PIWIL4: variants seen among roughly 807,000 people sequenced by gnomAD.
PIWIL4 encodes the protein piwi like RNA-mediated gene silencing 4, also known as piwi-like protein 4.
PIWIL4 carries 50 observed loss-of-function variants against 100.9 expected under a neutral mutation model. That is an observed-to-expected ratio of 0.50 (90% CI 0.39 to 0.63). PIWIL4 has a LOEUF of 0.63. Ranked by LOEUF, PIWIL4 falls within the 20% of genes least tolerant of loss-of-function variation. PIWIL4 has a pLI of 0.00. For missense variants in PIWIL4, 887 were observed against 1,043.3 expected, an observed-to-expected ratio of 0.85 and a Z score of 2.06; for synonymous variants, 342 against 367.5, an observed-to-expected ratio of 0.93 and a Z score of 0.79.
intron 5 of PIWIL4, 58 bp from the exon 6 acceptor site, chr11:94,585,387 T>C: frequency 8.0e-7 from 1 of 1,246,240 alleles, no homozygotes. Flanking sequence ...GGTTTGAACT[T>C]AGAATTACAC....
intron 8 of PIWIL4, among the ~76,000 whole-genome samples, chr11:94,589,912 G>A (rs554651561): frequency 3.3e-5 from 5 of 152,052 alleles, no homozygotes; most frequent in Non-Finnish European, 5.9e-5. Flanking sequence ...AGTGCTTTGC[G>A]CATATTAGAT....
At chr11:94,572,913 A>C (rs900621855) in intron 2 of PIWIL4, among the ~76,000 whole-genome samples, 2 of 152,148 alleles carry the variant, frequency 1.3e-5, no homozygotes, top group African/African-American at 4.8e-5. Flanking sequence ...GATTCTTCCT[A>C]TCCATGAGCG....
At chr11:94,583,610 A>G (rs1948357105) in intron 5 of PIWIL4, 41 bp downstream of exon 5, 2 of 1,610,346 alleles carry the variant, frequency 1.2e-6, no homozygotes, top group African/African-American at 2.7e-5. Flanking sequence ...GGCTAATGAT[A>G]CCTTTCAGCA....
intron 11 of PIWIL4, among the ~76,000 whole-genome samples, chr11:94,599,661 A>G (rs1321683205): frequency 6.6e-6 from 1 of 152,184 alleles, no homozygotes; most frequent in South Asian, 2.1e-4. Flanking sequence ...CAGCCCAGCC[A>G]GTGGAAGGCA....
intron 10 of PIWIL4, among the ~76,000 whole-genome samples, chr11:94,597,373 G>A (rs10831249): frequency 0.046 from 6,976 of 152,210 alleles, 309 homozygotes; most frequent in East Asian, 0.13. Context: ...CATAGGTTTT[G>A]AGCACATGCC....
At chr11:94,616,594 C>G in intron 16 of PIWIL4, 31 bp downstream of exon 16, 2 of 1,541,066 alleles carry the variant, frequency 1.3e-6, no homozygotes, top group Non-Finnish European at 1.8e-6. Context: ...TGGGTGGGCT[C>G]CAAGGACTGT....
At chr11:94,601,571 G>C (rs1948642497) in intron 11 of PIWIL4, among the ~76,000 whole-genome samples, 2 of 152,184 alleles carry the variant, frequency 1.3e-5, no homozygotes, top group South Asian at 4.1e-4. Flanking sequence ...GGACCTCCAA[G>C]GGCCACCAGT....
chr11:94,571,265 T>G (rs1368646543), intron 2 of PIWIL4, among the ~76,000 whole-genome samples: 1 of 152,192 alleles, frequency 6.6e-6, no homozygotes, highest in East Asian at 1.9e-4. Context: ...TTAGGTTTTT[T>G]TATTTAAAAA....
chr11:94,601,169 A>C (rs1052043627), intron 11 of PIWIL4, among the ~76,000 whole-genome samples: 9 of 151,920 alleles, frequency 5.9e-5, no homozygotes, highest in African/African-American at 1.7e-4. Context: ...TGTCCATGAA[A>C]TCTTCACAAT....
rs190848285 is a variant in PIWIL4, at chr11:94,582,096, G to A, written c.514-1352G>A. On this transcript the variant is annotated intron_variant, in intron 4 of 19. Coordinates refer to ENST00000299001, the MANE Select transcript of PIWIL4 (RefSeq NM_152431.3). ...AGGAGATGTAGGAAGTGAAACAGGA[G>A]TGGGTGTTTGGTGGGAGAGGTACAA... Among the ~76,000 whole-genome samples, 5 of 152,310 alleles carry A rather than the reference G, an allele frequency of 3.3e-5. No homozygotes were observed. In the East Asian group the frequency reaches 7.7e-4, roughly 24 times the overall value.
chr11:94,600,554 G>A (rs556489), intron 11 of PIWIL4, among the ~76,000 whole-genome samples: 80,550 of 151,974 alleles, frequency 0.53, 23,448 homozygotes, highest in African/African-American at 0.79. Context: ...GAGGCAGGGC[G>A]GGATCACAGG....
At chr11:94,615,626 C>CA (rs943284521) in intron 15 of PIWIL4, among the ~76,000 whole-genome samples, 13 of 151,760 alleles carry the variant, frequency 8.6e-5, no homozygotes, top group East Asian at 1.9e-4. Flanking sequence ...TTGTTTTTTA[C>CA]AAAAAAACAA....
At chr11:94,608,081 T>C (rs906406082) in intron 14 of PIWIL4, 1 of 179,908 alleles carries the variant, frequency 5.6e-6, no homozygotes, top group Admixed American at 5.4e-5. Flanking sequence ...TGGGAGTAAG[T>C]GAGGAGAATG....
At chr11:94,612,314 GGTTT>G (rs1015754811) in intron 15 of PIWIL4, among the ~76,000 whole-genome samples, 1 of 90,108 alleles carries the variant, frequency 1.1e-5, no homozygotes, top group African/African-American at 6.3e-5. Flanking sequence ...ATTTTTGTGA[GGTTT>G]TTTTTTTTTT....
chr11:94,567,790 G>A, intron 1 of PIWIL4, 185 bp downstream of exon 1: 1 of 1,233,246 alleles, frequency 8.1e-7, no homozygotes, highest in Non-Finnish European at 1.0e-6. Flanking sequence ...TCTTGTCTGA[G>A]TAAGATATTA....
chr11:94,579,318 C>T (rs1316690167), intron 4 of PIWIL4, among the ~76,000 whole-genome samples: 1 of 151,978 alleles, frequency 6.6e-6, no homozygotes, highest in Non-Finnish European at 1.5e-5. Context: ...TTCCTTTATC[C>T]ACCTTTTTAC....
At chr11:94,600,979 A>G (rs1460623004) in intron 11 of PIWIL4, among the ~76,000 whole-genome samples, 1 of 151,708 alleles carries the variant, frequency 6.6e-6, no homozygotes, top group Non-Finnish European at 1.5e-5. Flanking sequence ...TCTTTTTTCA[A>G]GGTGCCCAGA....
intron 6 of PIWIL4, among the ~76,000 whole-genome samples, chr11:94,586,138 T>G (rs969353403): frequency 2.0e-5 from 3 of 151,650 alleles, no homozygotes; most frequent in Non-Finnish European, 4.4e-5. Flanking sequence ...GGCCTTCTGC[T>G]TGGTGGAGGA....
intron 16 of PIWIL4, 129 bp downstream of exon 16, chr11:94,616,692 G>C (rs1415634999): frequency 1.5e-6 from 1 of 655,812 alleles, no homozygotes; most frequent in African/African-American, 1.9e-5. Flanking sequence ...CTGTCACCCA[G>C]TTGAAGATCT....
Sources: allele counts gnomAD v4.1 joint callset (sites outside exome capture counted in the v4.1 genomes callset), GRCh38; gene constraint gnomAD v4.1.1; transcripts MANE v1.5; gene names NCBI Gene and HGNC (gene_info 2026-07-23, HGNC 2026-07-21).